The following DCC variants were observed in gnomAD, a reference collection of about 807,000 sequenced individuals.
DCC encodes the protein DCC netrin 1 receptor, also known as netrin receptor DCC.
Under a neutral mutation model 172.5 loss-of-function variants are expected in DCC, and 58 were observed. The ratio of observed to expected loss-of-function variants is 0.34; its 90% CI spans 0.27 to 0.42. DCC has a LOEUF of 0.42. Among genes scored for constraint, DCC ranks in the 10% least tolerant of loss-of-function variants. The pLI, the probability that DCC is intolerant of heterozygous loss-of-function variation, is 1.00. For synonymous variants in DCC, 709 were observed against 644.5 expected (o/e 1.10, Z -1.52); for missense variants, 1,740 against 1,791.0 (o/e 0.97, Z 0.51).
chr18:52,818,048 T>C (rs947416006), intron 2 of DCC: 12 of 152,172 alleles, frequency 7.9e-5, no homozygotes, highest in African/African-American at 2.9e-4. Flanking sequence ...TTTATGCTGC[T>C]GGAGAAAACA....
rs142496919 is a variant in DCC at position 53,531,298 on chromosome 18, A to G, written c.*645A>G. ...CACCTATTTTGGCAAGTATTTGTAA[A>G]TCCACCCTTGGTTAATATGTATGTC... On this transcript the variant is annotated 3_prime_UTR_variant, in exon 29 of 29. Coordinates refer to ENST00000442544, the MANE Select transcript of DCC (RefSeq NM_005215.4). 10 of 158,796 alleles carry G rather than the reference A, an allele frequency of 6.3e-5. No individual in the cohort carries two copies. In the East Asian group the frequency reaches 1.8e-3, roughly 29 times the overall value. The allele number at this position is 158,796 out of a possible 1,614,324, so 9.8% of individuals were successfully genotyped here.
At chr18:53,091,427 C>T (rs1030627476) in intron 7 of DCC, among the ~76,000 whole-genome samples, 11 of 149,374 alleles carry the variant, frequency 7.4e-5, no homozygotes, top group Non-Finnish European at 1.5e-4. Context: ...CACACACACG[C>T]ACAATTCAAG....
chr18:52,480,533 G>A (rs191816965), intron 1 of DCC, among the ~76,000 whole-genome samples: 1 of 152,284 alleles, frequency 6.6e-6, no homozygotes, highest in African/African-American at 2.4e-5. Flanking sequence ...ATGCCACTTT[G>A]TATAAAAACA....
At chr18:52,926,384 A>G (rs2040202468) in intron 5 of DCC, among the ~76,000 whole-genome samples, 1 of 151,894 alleles carries the variant, frequency 6.6e-6, no homozygotes, top group Non-Finnish European at 1.5e-5. Context: ...AATCATAAAC[A>G]TTAAACCAGG....
intron 12 of DCC, among the ~76,000 whole-genome samples, chr18:53,249,615 T>C (rs1308143725): frequency 1.3e-5 from 2 of 151,942 alleles, no homozygotes; most frequent in African/African-American, 4.8e-5. Flanking sequence ...GCCTACCATC[T>C]AAGACAAAAA....
At chr18:52,846,602 A>C (rs2038894101) in intron 2 of DCC, among the ~76,000 whole-genome samples, 1 of 87,380 alleles carries the variant, frequency 1.1e-5, no homozygotes, top group African/African-American at 4.4e-5. Flanking sequence ...CCCTTCTGCC[A>C]CTCCAAACAC....
At chr18:52,673,762 C>T (rs1429166556) in intron 1 of DCC, among the ~76,000 whole-genome samples, 1 of 152,158 alleles carries the variant, frequency 6.6e-6, no homozygotes, top group African/African-American at 2.4e-5. Context: ...ACTGAAGACT[C>T]AAGTCACAGA....
chr18:52,468,840 A>G (rs890277417), intron 1 of DCC, among the ~76,000 whole-genome samples: 4 of 152,098 alleles, frequency 2.6e-5, no homozygotes, highest in African/African-American at 7.2e-5. Flanking sequence ...TTAAGATATA[A>G]TTTTAAAAGT....
At chr18:53,322,282 C>G in intron 14 of DCC, 125 bp downstream of exon 14, 1 of 695,420 alleles carries the variant, frequency 1.4e-6, no homozygotes, top group East Asian at 2.7e-5. Context: ...TGTTCACATG[C>G]AAAACACAAC....
intron 1 of DCC, among the ~76,000 whole-genome samples, chr18:52,683,925 A>G (rs2035788856): frequency 6.6e-6 from 1 of 152,106 alleles, no homozygotes; most frequent in Non-Finnish European, 1.5e-5. Flanking sequence ...AATCATATGG[A>G]TGCATTTGAA....
intron 5 of DCC, among the ~76,000 whole-genome samples, chr18:52,925,963 T>C (rs1333252332): frequency 6.6e-6 from 1 of 151,362 alleles, no homozygotes; most frequent in Non-Finnish European, 1.5e-5. Context: ...AAACAAATAA[T>C]TCTTCTACAT....
intron 1 of DCC, among the ~76,000 whole-genome samples, chr18:52,388,100 A>G (rs565666486): frequency 6.6e-6 from 1 of 152,126 alleles, no homozygotes; most frequent in African/African-American, 2.4e-5. Context: ...AAAGCCTAGA[A>G]TAACATTAAC....
intron 22 of DCC, among the ~76,000 whole-genome samples, chr18:53,446,534 G>C (rs1371581733): frequency 6.6e-6 from 1 of 152,170 alleles, no homozygotes; most frequent in Non-Finnish European, 1.5e-5. Flanking sequence ...ATCTAGGTTT[G>C]AGAGCTCTAA....
intron 12 of DCC, chr18:53,236,964 T>C (rs567827636): frequency 6.6e-6 from 1 of 152,184 alleles, no homozygotes; most frequent in African/African-American, 2.4e-5. Flanking sequence ...TGTGGTCTTA[T>C]TTGCTATATC....
At chr18:52,909,357 C>G (rs1003317558) in intron 3 of DCC, among the ~76,000 whole-genome samples, 1 of 152,110 alleles carries the variant, frequency 6.6e-6, no homozygotes, top group Admixed American at 6.5e-5. Context: ...AAAGGTATAT[C>G]TTTTCCTGGA....
At chr18:52,421,139 C>T (rs1246481554) in intron 1 of DCC, among the ~76,000 whole-genome samples, 60 of 152,130 alleles carry the variant, frequency 3.9e-4, no homozygotes, top group Non-Finnish European at 1.9e-4. Flanking sequence ...TGTACAGTTC[C>T]TGTGCCTTGA....
intron 1 of DCC, among the ~76,000 whole-genome samples, chr18:52,467,615 A>C (rs1368138163): frequency 6.6e-6 from 1 of 152,174 alleles, no homozygotes; most frequent in African/African-American, 2.4e-5. Flanking sequence ...TCCTTGAGGA[A>C]TCACCACACT....
intron 1 of DCC, among the ~76,000 whole-genome samples, chr18:52,643,896 C>T (rs941268956): frequency 6.6e-5 from 10 of 151,974 alleles, no homozygotes; most frequent in Admixed American, 2.0e-4. Context: ...ACTTTTGGCC[C>T]TTGCTGTGCC....
chr18:52,680,729 C>T (rs1163646442), intron 1 of DCC, among the ~76,000 whole-genome samples: 1 of 152,132 alleles, frequency 6.6e-6, no homozygotes, highest in East Asian at 1.9e-4. Context: ...TAGGTGGCTG[C>T]CTTCCCTGCC....
Sources: gnomAD v4.1 joint callset for allele counts (sites outside exome capture counted in the v4.1 genomes callset) on GRCh38, gnomAD v4.1.1 for gene constraint, MANE v1.5 for transcripts, NCBI Gene and HGNC (gene_info 2026-07-23, HGNC 2026-07-21) for gene names.